Variants in ADAMTSL1 observed in about 807,000 individuals in gnomAD.
ADAMTSL1 encodes the protein ADAMTS like 1.
A neutral mutation model predicts 201.8 loss-of-function variants in ADAMTSL1; 126 were observed. The observed-to-expected ratio is 0.62, with a 90% CI of 0.54 to 0.72. The LOEUF (loss-of-function observed/expected upper bound fraction) is 0.72, where lower values mean the gene tolerates loss of function less well. Ranked by LOEUF, ADAMTSL1 falls within the 30% of genes least tolerant of loss-of-function variation. ADAMTSL1 has a pLI of 0.00. For synonymous variants in ADAMTSL1, 1,121 were observed against 903.4 expected (o/e 1.24, Z -4.32); for missense variants, 2,679 against 2,277.8 (o/e 1.18, Z -3.59).
intron 9 of ADAMTSL1, among the ~76,000 whole-genome samples, chr9:18,675,459 G>C (rs537775261): frequency 1.3e-5 from 2 of 152,162 alleles, no homozygotes; most frequent in African/African-American, 4.8e-5. Flanking sequence ...GACAGTTACT[G>C]TAATTGCTTG....
At chr9:17,971,886 A>G (rs1818219646) in intron 1 of ADAMTSL1, among the ~76,000 whole-genome samples, 1 of 152,090 alleles carries the variant, frequency 6.6e-6, no homozygotes, top group South Asian at 2.1e-4. Flanking sequence ...GATACTAATC[A>G]GAACTAGGTA....
chr9:18,552,956 T>C (rs1820875543), intron 3 of ADAMTSL1, among the ~76,000 whole-genome samples: 1 of 151,678 alleles, frequency 6.6e-6, no homozygotes, highest in South Asian at 2.1e-4. Context: ...TAATCTTTGC[T>C]TTCTTCCATC....
intron 23 of ADAMTSL1, among the ~76,000 whole-genome samples, chr9:18,844,560 C>A (rs1172510679): frequency 6.6e-6 from 1 of 152,230 alleles, no homozygotes; most frequent in Admixed American, 6.5e-5. Flanking sequence ...CCACTGCTCT[C>A]TTCAATGCTG....
At chr9:18,028,992 G>T (rs1299724999) in intron 1 of ADAMTSL1, among the ~76,000 whole-genome samples, 1 of 152,098 alleles carries the variant, frequency 6.6e-6, no homozygotes, top group Admixed American at 6.6e-5. Flanking sequence ...TTGTAAGATG[G>T]ATTCCTAGGT....
At chr9:18,335,032 A>G (rs1308446132) in intron 2 of ADAMTSL1, among the ~76,000 whole-genome samples, 1 of 152,110 alleles carries the variant, frequency 6.6e-6, no homozygotes, top group Non-Finnish European at 1.5e-5. Flanking sequence ...ATTCCTGATA[A>G]TTTAGATCCC....
intron 2 of ADAMTSL1, among the ~76,000 whole-genome samples, chr9:18,269,163 G>A (rs1378718482): frequency 6.6e-6 from 1 of 151,976 alleles, no homozygotes; most frequent in Non-Finnish European, 1.5e-5. Flanking sequence ...ATTCTATAAA[G>A]TAATGTGATA....
chr9:17,951,918 A>G (rs528244391), intron 1 of ADAMTSL1, among the ~76,000 whole-genome samples: 1 of 152,044 alleles, frequency 6.6e-6, no homozygotes, highest in South Asian at 2.1e-4. Context: ...CTTCCACCTT[A>G]GTCTCCAGAG....
intron 1 of ADAMTSL1, among the ~76,000 whole-genome samples, chr9:18,127,017 C>T (rs186875732): frequency 3.3e-5 from 5 of 152,098 alleles, no homozygotes; most frequent in South Asian, 2.1e-4. Flanking sequence ...ACTGTGTGTC[C>T]GTCAAGATGC....
intron 23 of ADAMTSL1, among the ~76,000 whole-genome samples, chr9:18,850,058 C>T (rs1277248150): frequency 6.6e-6 from 1 of 152,194 alleles, no homozygotes; most frequent in African/African-American, 2.4e-5. Flanking sequence ...AATAGTTGGA[C>T]ATGGAAAGCA....
chr9:18,833,490 G>A lies in ADAMTSL1; in HGVS notation c.4249+3513G>A, dbSNP rs201071067. ...AGTTTTTTTCATGTGATTGTTGGAC[G>A]CATGTATATCTTCTTTTGAAAAGCG... is the stretch of plus-strand genomic sequence containing the variant. On this transcript the variant is annotated intron_variant, in intron 23 of 28. Coordinates refer to ENST00000380548, the MANE Select transcript of ADAMTSL1 (RefSeq NM_001040272.6). 5.7e-4 allele frequency among the ~76,000 whole-genome samples: 87 copies of A among 152,252 alleles called. 2 individuals carry two copies. The highest frequency in any genetic ancestry group is 1.9e-3 in the African/African-American group (79 of 41,552).
intron 1 of ADAMTSL1, among the ~76,000 whole-genome samples, chr9:18,481,253 A>C (rs1217195649): frequency 6.6e-6 from 1 of 152,222 alleles, no homozygotes; most frequent in Non-Finnish European, 1.5e-5. Flanking sequence ...ATGAAAGAAC[A>C]GTGGTTTTAG....
intron 2 of ADAMTSL1, among the ~76,000 whole-genome samples, chr9:18,338,390 C>A (rs1173854179): frequency 2.0e-5 from 3 of 152,016 alleles, no homozygotes; most frequent in African/African-American, 7.2e-5. Context: ...AGGTTCCTAC[C>A]CTTCCTGCCT....
At chr9:18,609,639 G>T (rs1261410876) in intron 4 of ADAMTSL1, among the ~76,000 whole-genome samples, 2 of 152,040 alleles carry the variant, frequency 1.3e-5, no homozygotes, top group Non-Finnish European at 2.9e-5. Flanking sequence ...GATCCCTAAG[G>T]CACCCTTTAT....
At chr9:18,121,033 G>A (rs1373331486) in intron 1 of ADAMTSL1, among the ~76,000 whole-genome samples, 2 of 152,070 alleles carry the variant, frequency 1.3e-5, no homozygotes, top group African/African-American at 4.8e-5. Context: ...CAAGAAAATA[G>A]GTGGAGTACT....
chr9:17,970,456 C>T (rs907677426), intron 1 of ADAMTSL1, among the ~76,000 whole-genome samples: 6 of 151,976 alleles, frequency 3.9e-5, no homozygotes, highest in Non-Finnish European at 8.8e-5. Flanking sequence ...GTGTGGAGTA[C>T]AGGCCTTGTG....
upstream of ADAMTSL1, among the ~76,000 whole-genome samples, chr9:18,472,343 A>G (rs1821248034): frequency 6.6e-6 from 1 of 152,226 alleles, no homozygotes; most frequent in Non-Finnish European, 1.5e-5. Context: ...GCTTATGAGC[A>G]TTAGCTAGTT....
intron 1 of ADAMTSL1, among the ~76,000 whole-genome samples, chr9:18,476,718 A>T (rs1821473077): frequency 6.6e-6 from 1 of 151,932 alleles, no homozygotes; most frequent in Admixed American, 6.6e-5. Context: ...GATTCTGTCT[A>T]TTCTTGGACT....
intron 1 of ADAMTSL1, chr9:18,163,797 T>C (rs1269278784): frequency 1.3e-5 from 2 of 152,120 alleles, no homozygotes; most frequent in East Asian, 3.9e-4. Flanking sequence ...CTGCAACTAA[T>C]TGCACAGTGC....
At chr9:18,420,492 T>G (rs1373122055) in intron 2 of ADAMTSL1, among the ~76,000 whole-genome samples, 2 of 152,250 alleles carry the variant, frequency 1.3e-5, no homozygotes, top group African/African-American at 2.4e-5. Context: ...AGAATTTTTC[T>G]GACCTGGTGG....
Sources: allele counts gnomAD v4.1 joint callset (sites outside exome capture counted in the v4.1 genomes callset), GRCh38; gene constraint gnomAD v4.1.1; transcripts MANE v1.5; gene names NCBI Gene and HGNC (gene_info 2026-07-23, HGNC 2026-07-21).